COX15: variants seen among roughly 807,000 people sequenced by gnomAD.
COX15 encodes the protein cytochrome c oxidase assembly factor COX15.
A neutral mutation model predicts 51.9 loss-of-function variants in COX15; 51 were observed. The observed-to-expected ratio is 0.98, with a 90% CI of 0.78 to 1.24. The LOEUF (loss-of-function observed/expected upper bound fraction) is 1.24. Among genes scored for constraint, COX15 ranks in the 50% most tolerant of loss-of-function variants. The probability of loss-of-function intolerance (pLI) is 0.00; values close to 1 mark genes in which losing one functional copy is unlikely to be tolerated. For synonymous variants in COX15, 188 were observed against 190.5 expected, an observed-to-expected ratio of 0.99 and a Z score of 0.11; for missense variants, 420 against 501.1, an observed-to-expected ratio of 0.84 and a Z score of 1.55.
chr10:99,704,661 T>C, the COX15 span: 4 of 1,613,930 alleles, frequency 2.5e-6, no homozygotes, highest in Non-Finnish European at 3.4e-6. Context: ...GTGCCCATGA[T>C]GGGAGTACAG....
chr10:99,702,475 T>C, the COX15 span: 3 of 1,496,946 alleles, frequency 2.0e-6, no homozygotes, highest in Non-Finnish European at 2.7e-6. Flanking sequence ...AGAATTCTTT[T>C]CTCTTTTTTT....
intron 5 of COX15, among the ~76,000 whole-genome samples, chr10:99,721,724 T>C (rs2036777588): frequency 1.3e-5 from 2 of 152,276 alleles, no homozygotes; most frequent in South Asian, 2.1e-4. Flanking sequence ...CACTGTCCAA[T>C]AGAACTTTCT....
At chr10:99,695,855 G>T in the COX15 span, 6 of 1,078,444 alleles carry the variant, frequency 5.6e-6, no homozygotes, top group South Asian at 9.0e-5. Flanking sequence ...ATGTTTTAAA[G>T]AGTAGTCATA....
chr10:99,725,093 T>C (rs559238006), intron 4 of COX15, among the ~76,000 whole-genome samples: 6 of 152,390 alleles, frequency 3.9e-5, no homozygotes, highest in East Asian at 1.9e-4. Flanking sequence ...TCATATTCTA[T>C]GATTCTCTGC....
intron 5 of COX15, among the ~76,000 whole-genome samples, chr10:99,721,840 TAAAC>T (rs1040784949): frequency 1.3e-5 from 2 of 151,976 alleles, no homozygotes; most frequent in Admixed American, 6.5e-5. Context: ...AAAGTTTAAA[TAAAC>T]AAAAAGCTTA....
At chr10:99,716,295 T>C (rs992935370) in intron 8 of COX15, 53 bp downstream of exon 8, 10 of 1,336,626 alleles carry the variant, frequency 7.5e-6, no homozygotes, top group Admixed American at 3.4e-5. Flanking sequence ...GCCCGGCCCC[T>C]TTTTTAACTT....
At chr10:99,717,442 C>T (rs2036612407) in intron 7 of COX15, among the ~76,000 whole-genome samples, 1 of 152,208 alleles carries the variant, frequency 6.6e-6, no homozygotes, top group Non-Finnish European at 1.5e-5. Flanking sequence ...AACTCTTGGG[C>T]TCAAGCGATC....
At chr10:99,726,514 T>C (rs2036954291) in intron 4 of COX15, among the ~76,000 whole-genome samples, 1 of 152,180 alleles carries the variant, frequency 6.6e-6, no homozygotes, top group Non-Finnish European at 1.5e-5. Flanking sequence ...AGCTGGGGCT[T>C]GAAGCTAGGC....
chr10:99,714,649 AGCC>A lies in COX15; in HGVS notation c.1168_1170del (p.Gly390del), dbSNP rs1182662025. The A allele has an allele frequency of 2.5e-6, 4 of 1,614,004 alleles. No individual in the cohort carries two copies. Among genetic ancestry groups the A allele is most frequent in the Non-Finnish European group, 3.4e-6 (4 of 1,180,020 alleles). On this transcript the variant is annotated inframe_deletion, in exon 9 of 9. Coordinates refer to ENST00000016171, the MANE Select transcript of COX15 (RefSeq NM_078470.6). ...AGAGCACCAGTGAGCAAAGCCAAGG[AGCC>A]TGACTGGTGAGTGGCGGCCAGAGGA...
chr10:99,726,524 C>T (rs948450297), intron 4 of COX15, among the ~76,000 whole-genome samples: 6 of 152,088 alleles, frequency 3.9e-5, no homozygotes, highest in Non-Finnish European at 5.9e-5. Flanking sequence ...TGAAGCTAGG[C>T]CTGTGACACT....
intron 1 of COX15, among the ~76,000 whole-genome samples, chr10:99,730,859 G>C (rs779560495): frequency 3.3e-5 from 5 of 151,918 alleles, no homozygotes; most frequent in African/African-American, 9.7e-5. Flanking sequence ...CCAGTAGTTC[G>C]AGACCAGCCT....
At chr10:99,728,919 T>G (rs866424847) in intron 2 of COX15, among the ~76,000 whole-genome samples, 1 of 152,228 alleles carries the variant, frequency 6.6e-6, no homozygotes, top group Non-Finnish European at 1.5e-5. Flanking sequence ...TGTACAGAAC[T>G]TCTTTGGGTT....
the COX15 span, chr10:99,698,619 AG>A: frequency 6.2e-7 from 1 of 1,614,116 alleles, no homozygotes; most frequent in Non-Finnish European, 8.5e-7. Context: ...TGTGGTGGAG[AG>A]GAACAGCCAA....
At chr10:99,718,649 C>T in intron 6 of COX15, 149 bp from the exon 7 acceptor site, 1 of 817,052 alleles carries the variant, frequency 1.2e-6, no homozygotes. Context: ...AGTTCTCCAA[C>T]AGAGAAGATA....
Position 99,711,651 on chromosome 10 carries a change from G to A in COX15, c.*2936C>T, listed in dbSNP as rs1164762883. The A allele has an allele frequency of 3.0e-6, 3 of 985,128 alleles. No homozygotes were observed. The East Asian group carries it at 3.4e-4, about 112-fold the overall frequency. 61.0% of individuals were successfully genotyped at this position (985,128 alleles called of 1,614,324 possible). A position where few individuals can be genotyped will look rare whatever the true frequency, so the allele number is the denominator to read the frequency against. On this transcript the variant is annotated 3_prime_UTR_variant, in exon 9 of 9. Coordinates refer to ENST00000016171, the MANE Select transcript of COX15 (RefSeq NM_078470.6). ...GCCTTTTACTTCCTCCAGGGATTGT[G>A]ACTTAATTGGTCTTAGATGAGGCTT...
At chr10:99,708,905 A>G, downstream of COX15, 1 of 985,406 alleles carries the variant, frequency 1.0e-6, no homozygotes, top group Non-Finnish European at 1.2e-6. Context: ...TTTTTATAAA[A>G]CAGCTGGCCA....
At chr10:99,698,395 A>G in the COX15 span, 65 of 775,894 alleles carry the variant, frequency 8.4e-5, 1 homozygote, top group Admixed American at 8.3e-4. Flanking sequence ...TATGTGATGA[A>G]ATTGCACTCC....
At chr10:99,730,971 C>T (rs901914024) in intron 1 of COX15, among the ~76,000 whole-genome samples, 1 of 151,972 alleles carries the variant, frequency 6.6e-6, no homozygotes, top group Non-Finnish European at 1.5e-5. Flanking sequence ...TAAGAGGATG[C>T]TTGAGGCCAG....
chr10:99,708,018 C>T (rs1169041561), downstream of COX15, among the ~76,000 whole-genome samples: 1 of 152,110 alleles, frequency 6.6e-6, no homozygotes, highest in Non-Finnish European at 1.5e-5. Flanking sequence ...GAGCATAGTA[C>T]CTAACAGATA....
Sources: gnomAD v4.1 joint callset for allele counts (sites outside exome capture counted in the v4.1 genomes callset) on GRCh38, gnomAD v4.1.1 for gene constraint, MANE v1.5 for transcripts, NCBI Gene and HGNC (gene_info 2026-07-23, HGNC 2026-07-21) for gene names.